SLC37A1: variants seen among roughly 807,000 people sequenced by gnomAD.
SLC37A1 encodes the protein solute carrier family 37 member 1.
A neutral mutation model predicts 75.3 loss-of-function variants in SLC37A1; 49 were observed. The ratio of observed to expected loss-of-function variants is 0.65; its 90% CI spans 0.52 to 0.83. The LOEUF (loss-of-function observed/expected upper bound fraction) is 0.83, where lower values mean the gene tolerates loss of function less well. Ranked by LOEUF, SLC37A1 falls within the 40% of genes least tolerant of loss-of-function variation. The probability of loss-of-function intolerance (pLI) is 0.00; values close to 1 mark genes in which losing one functional copy is unlikely to be tolerated. For missense variants in SLC37A1, 566 were observed against 695.0 expected (o/e 0.81, Z 2.09); for synonymous variants, 268 against 292.1 (o/e 0.92, Z 0.84).
At position 42,530,623 on chromosome 21, in the gene SLC37A1, C is replaced by T. The variant is rs935639593; in HGVS notation, c.139-4075C>T. Among the ~76,000 whole-genome samples the T allele has an allele frequency of 4.5e-4, 42 of 93,652 alleles. 1 individual carries two copies. Among genetic ancestry groups the T allele is most frequent in the African/African-American group, 1.2e-3 (30 of 25,992 alleles). The allele number at this position is 93,652 out of a possible 152,430, so 61.4% of individuals were successfully genotyped here. A position where few individuals can be genotyped will look rare whatever the true frequency, so the allele number is the denominator to read the frequency against. ...ACACACACACACACACACACACACA[C>T]ACACACACACACACACACACACACA... On this transcript the variant is annotated intron_variant, in intron 3 of 19. Transcript: ENST00000352133.
intron 17 of SLC37A1, among the ~76,000 whole-genome samples, 157 bp downstream of exon 17, chr21:42,568,595 A>C (rs2056041951): frequency 6.6e-6 from 1 of 152,172 alleles, no homozygotes; most frequent in African/African-American, 2.4e-5. Context: ...ACATCGGCAC[A>C]CAGAGATGGT....
exon 1 of SLC37A1, chr21:42,499,691 C>T (rs969385005): frequency 2.0e-5 from 3 of 152,228 alleles, no homozygotes; most frequent in Non-Finnish European, 4.4e-5. Flanking sequence ...GGAAGGCCCT[C>T]GAGAGAGTGG....
chr21:42,557,922 T>G (rs1007064927), intron 10 of SLC37A1, among the ~76,000 whole-genome samples: 3 of 152,348 alleles, frequency 2.0e-5, no homozygotes, highest in Admixed American at 2.0e-4. Flanking sequence ...TTGAACCTCA[T>G]AGCTCACTCA....
intron 2 of SLC37A1, among the ~76,000 whole-genome samples, chr21:42,503,248 C>CTTTT (rs11444113): frequency 9.5e-5 from 12 of 125,726 alleles, no homozygotes; most frequent in African/African-American, 3.0e-4. Flanking sequence ...AATTATACTC[C>CTTTT]TTTTTTTTTT....
chr21:42,508,220 C>A (rs1233078960), intron 2 of SLC37A1, among the ~76,000 whole-genome samples: 1 of 151,154 alleles, frequency 6.6e-6, no homozygotes, highest in Non-Finnish European at 1.5e-5. Context: ...ACTCTGCCTC[C>A]CGGGTTCAAG....
chr21:42,549,811 A>T (rs1350600716), intron 9 of SLC37A1, among the ~76,000 whole-genome samples: 1 of 152,348 alleles, frequency 6.6e-6, no homozygotes, highest in South Asian at 2.1e-4. Flanking sequence ...TCCCATGTGG[A>T]AGTGTTATTT....
rs368883228 is a variant in SLC37A1 at position 42,565,859 on chromosome 21, G to A, written c.1254G>A (p.Gly418=). The A allele has an allele frequency of 6.2e-7, 1 of 1,614,068 alleles. No homozygotes were observed. Among genetic ancestry groups the A allele is most frequent in the Non-Finnish European group, 8.5e-7 (1 of 1,179,970 alleles). The change falls in exon 15 of 20, where the codon GGG becomes GGA. Residue 418 remains glycine, a synonymous_variant. Transcript: ENST00000352133. ...TCTTCTCCACCGTCAGCAAGATGGG[G>A]CTTGAGGCCACCATCGGTGAGTATG... ...LYIFSTVSKM[G]LEATIAMLLL...
At chr21:42,504,598 A>T (rs981902244) in intron 2 of SLC37A1, among the ~76,000 whole-genome samples, 1 of 152,240 alleles carries the variant, frequency 6.6e-6, no homozygotes, top group African/African-American at 2.4e-5. Context: ...AGAACTCATT[A>T]GCCTGCCTGT....
At chr21:42,557,881 G>A (rs193075676) in intron 10 of SLC37A1, among the ~76,000 whole-genome samples, 81 of 152,164 alleles carry the variant, frequency 5.3e-4, no homozygotes, top group African/African-American at 1.9e-3. Flanking sequence ...TGAAAGGTCT[G>A]AGATACCTAG....
chr21:42,567,185 C>A, intron 16 of SLC37A1, 127 bp downstream of exon 16: 1 of 883,256 alleles, frequency 1.1e-6, no homozygotes, highest in Non-Finnish European at 1.8e-6. Flanking sequence ...AGCTCACCTA[C>A]ACCTGTGGTC....
intron 8 of SLC37A1, among the ~76,000 whole-genome samples, chr21:42,546,295 TC>T (rs2039945955): frequency 6.6e-6 from 1 of 152,246 alleles, no homozygotes; most frequent in Admixed American, 6.5e-5. Context: ...CTGGTTCTGT[TC>T]CTTTTCAAGT....
At chr21:42,580,234 G>C in intron 19 of SLC37A1, 111 bp from the exon 20 acceptor site, 4 of 1,255,828 alleles carry the variant, frequency 3.2e-6, no homozygotes, top group Non-Finnish European at 4.6e-6. Flanking sequence ...CTGCTGGGCC[G>C]GGAGGGCAGC....
At chr21:42,525,674 G>T in intron 2 of SLC37A1, 102 bp from the exon 3 acceptor site, 1 of 771,170 alleles carries the variant, frequency 1.3e-6, no homozygotes. Context: ...AGAACTGAAT[G>T]AATAATACAC....
intron 7 of SLC37A1, among the ~76,000 whole-genome samples, chr21:42,542,949 C>A (rs2055319758): frequency 6.6e-6 from 1 of 152,234 alleles, no homozygotes; most frequent in Non-Finnish European, 1.5e-5. Flanking sequence ...TAAAATTCAG[C>A]TCAGCCAGGC....
intron 6 of SLC37A1, 82 bp downstream of exon 6, chr21:42,539,729 T>C: frequency 2.1e-6 from 3 of 1,424,500 alleles, no homozygotes; most frequent in Admixed American, 4.6e-5. Flanking sequence ...GTCACCTCTG[T>C]CAAGGTGTTG....
chr21:42,532,974 G>A (rs2055028464), intron 3 of SLC37A1, among the ~76,000 whole-genome samples: 1 of 152,220 alleles, frequency 6.6e-6, no homozygotes, highest in Non-Finnish European at 1.5e-5. Context: ...CATCACGTGT[G>A]ACATGCCGGG....
intron 18 of SLC37A1, 84 bp downstream of exon 18, chr21:42,574,999 T>C (rs1601786597): frequency 1.3e-6 from 2 of 1,580,068 alleles, no homozygotes; most frequent in South Asian, 1.2e-5. Flanking sequence ...CTTTCTCCCA[T>C]GCATTCCTGA....
intron 4 of SLC37A1, among the ~76,000 whole-genome samples, chr21:42,535,052 A>G (rs760220287): frequency 1.3e-5 from 2 of 152,226 alleles, no homozygotes; most frequent in Non-Finnish European, 2.9e-5. Context: ...AAATGTGCTG[A>G]AGATCATTTG....
At chr21:42,572,594 T>G (rs1339710698) in intron 17 of SLC37A1, among the ~76,000 whole-genome samples, 2 of 150,872 alleles carry the variant, frequency 1.3e-5, no homozygotes, top group African/African-American at 2.4e-5. Flanking sequence ...CTGATGTTTC[T>G]CTGCCCTTTC....
Sources: allele counts gnomAD v4.1 joint callset (sites outside exome capture counted in the v4.1 genomes callset), GRCh38; gene constraint gnomAD v4.1.1; transcripts MANE v1.5; gene names NCBI Gene and HGNC (gene_info 2026-07-23, HGNC 2026-07-21).